The following CDC42BPB variants were observed in gnomAD, a reference collection of about 807,000 sequenced individuals.
CDC42BPB encodes serine/threonine-protein kinase MRCK beta.
CDC42BPB carries 37 observed loss-of-function variants against 214.9 expected under a neutral mutation model. The observed-to-expected ratio is 0.17, with a 90% confidence interval of 0.13 to 0.23. The LOEUF (loss-of-function observed/expected upper bound fraction) is 0.23, where lower values mean the gene tolerates loss of function less well. CDC42BPB is among the 10% of genes least tolerant of loss of function. The pLI is 1.00. For missense variants in CDC42BPB, 1,694 were observed against 2,227.0 expected, an observed-to-expected ratio of 0.76 and a Z score of 4.82; for synonymous variants, 931 against 884.0, an observed-to-expected ratio of 1.05 and a Z score of -0.94.
chr14:103,047,903 C>CAAAAAAA lies in CDC42BPB; in HGVS notation c.175+9089_175+9095dup, dbSNP rs376515642. ...GGGCAACAGAGCAAGACTCTGTGTCCAAAAAAAAAAGCATTTTCAGACAGA... is the reference window on the plus strand; with the variant it reads ...GGGCAACAGAGCAAGACTCTGTGTCCAAAAAAAAAAAAAAAAAGCATTTTCAGACAGA... On this transcript the variant is annotated intron_variant, in intron 1 of 36. Coordinates refer to ENST00000361246, the MANE Select transcript of CDC42BPB (RefSeq NM_006035.4). Among the ~76,000 whole-genome samples, 9 of 127,776 alleles carry CAAAAAAA rather than the reference C, an allele frequency of 7.0e-5. 2 individuals carry two copies. Among genetic ancestry groups the CAAAAAAA allele is most frequent in the Non-Finnish European group, 6.6e-5 (4 of 60,946 alleles). The allele number at this position is 127,776 out of a possible 152,430, so 83.8% of individuals were successfully genotyped here.
chr14:103,030,929 G>A (rs1342826766), intron 1 of CDC42BPB, among the ~76,000 whole-genome samples: 2 of 152,030 alleles, frequency 1.3e-5, no homozygotes, highest in Admixed American at 1.3e-4. Flanking sequence ...GGGAATTGCA[G>A]TGAGGCAAGA....
intron 1 of CDC42BPB, among the ~76,000 whole-genome samples, chr14:103,052,322 TTTC>T (rs1888652714): frequency 6.6e-6 from 1 of 152,254 alleles, no homozygotes; most frequent in South Asian, 2.1e-4. Context: ...AAAAGATCTA[TTTC>T]TTAAGTCTGT....
chr14:103,052,378 AG>A (rs1888656208), intron 1 of CDC42BPB, among the ~76,000 whole-genome samples: 1 of 152,236 alleles, frequency 6.6e-6, no homozygotes, highest in Non-Finnish European at 1.5e-5. Context: ...TATTCTATCC[AG>A]AGAAATCATT....
intron 8 of CDC42BPB, 42 bp from the exon 9 acceptor site, chr14:102,978,247 A>G: frequency 6.2e-7 from 1 of 1,605,430 alleles, no homozygotes; most frequent in Non-Finnish European, 8.5e-7. Flanking sequence ...TCTACATTCA[A>G]ACAAACAGGT....
chr14:102,957,698 C>A (rs1892773485), intron 21 of CDC42BPB, among the ~76,000 whole-genome samples: 1 of 152,250 alleles, frequency 6.6e-6, no homozygotes. Context: ...GTGAGCAATG[C>A]AAGCCTGCTT....
At chr14:102,986,620 C>T (rs1023212377) in intron 5 of CDC42BPB, 40 bp from the exon 6 acceptor site, 1 of 1,604,468 alleles carries the variant, frequency 6.2e-7, no homozygotes, top group African/African-American at 1.3e-5. Context: ...CATCTCCATG[C>T]AACACATTAG....
At chr14:102,998,934 A>G (rs1894862097) in intron 5 of CDC42BPB, among the ~76,000 whole-genome samples, 1 of 142,566 alleles carries the variant, frequency 7.0e-6, no homozygotes, top group Admixed American at 7.0e-5. Context: ...GGCGGTAGAG[A>G]CAGAGGACCC....
chr14:103,006,922 A>G (rs1885859815), intron 3 of CDC42BPB, among the ~76,000 whole-genome samples: 1 of 152,088 alleles, frequency 6.6e-6, no homozygotes, highest in African/African-American at 2.4e-5. Flanking sequence ...ACCTCTCTAC[A>G]CTTTCATGTA....
intron 1 of CDC42BPB, among the ~76,000 whole-genome samples, chr14:103,044,914 G>C (rs1171661877): frequency 1.3e-5 from 2 of 151,598 alleles, no homozygotes; most frequent in Non-Finnish European, 2.9e-5. Flanking sequence ...TGAAGTATAA[G>C]ATGGGTCAGG....
At position 102,976,031 on chromosome 14, in the gene CDC42BPB, G is replaced by T. The variant is rs759849679; in HGVS notation, c.1239C>A (p.Gly413=). 1.2e-6 allele frequency: 2 copies of T among 1,611,106 alleles called. No individual in the cohort carries two copies. Among genetic ancestry groups the T allele is most frequent in the South Asian group, 2.2e-5 (2 of 90,904 alleles). The part of the protein sequence containing the change: ...FTTESCFSDR[G]SLKSIMQSNT... ...TGGACTGCATTATGCTCTTCAGAGA[G>T]CCTCGATCAGAAAAACAGCTGGGAA... The change falls in exon 10 of 37, where the codon GGC becomes GGA. Residue 413 remains glycine, a synonymous_variant. Coordinates refer to ENST00000361246, the MANE Select transcript of CDC42BPB (RefSeq NM_006035.4).
At chr14:103,042,802 G>A (rs779558310) in intron 1 of CDC42BPB, among the ~76,000 whole-genome samples, 7 of 152,260 alleles carry the variant, frequency 4.6e-5, no homozygotes, top group Non-Finnish European at 7.3e-5. Context: ...GCAAGGATGC[G>A]GAGAAACTGG....
chr14:103,053,737 G>C (rs377497896), intron 1 of CDC42BPB, among the ~76,000 whole-genome samples: 13 of 151,262 alleles, frequency 8.6e-5, no homozygotes, highest in African/African-American at 3.1e-4. Flanking sequence ...ACTCCAGCCT[G>C]GGCGACAGAG....
intron 36 of CDC42BPB, among the ~76,000 whole-genome samples, chr14:102,935,272 C>G (rs1245190431): frequency 6.6e-6 from 1 of 151,756 alleles, no homozygotes; most frequent in Non-Finnish European, 1.5e-5. Context: ...GGTATAAGAT[C>G]AACACACACA....
At chr14:103,050,513 C>T (rs761381636) in intron 1 of CDC42BPB, among the ~76,000 whole-genome samples, 1 of 152,210 alleles carries the variant, frequency 6.6e-6, no homozygotes, top group Non-Finnish European at 1.5e-5. Flanking sequence ...ATAATCCCAA[C>T]ATTTGGGAGG....
rs1453623862 is a variant in CDC42BPB at position 102,974,293 on chromosome 14, C to T, written c.1508-144G>A. On this transcript the variant is annotated intron_variant, in intron 11 of 36. Coordinates refer to ENST00000361246, the MANE Select transcript of CDC42BPB (RefSeq NM_006035.4). ...AGGTTTTTTTACTTACACACACACA[C>T]ACACACACACACACACACACACACA... 17 of 1,436,100 alleles carry T rather than the reference C, an allele frequency of 1.2e-5. No individual in the cohort carries two copies. The South Asian group carries it at 1.5e-4, about 13-fold the overall frequency. The allele number at this position is 1,436,100 out of a possible 1,614,324, so 89.0% of individuals were successfully genotyped here.
chr14:103,008,242 G>A (rs772983871), intron 3 of CDC42BPB, among the ~76,000 whole-genome samples: 1 of 152,204 alleles, frequency 6.6e-6, no homozygotes, highest in Non-Finnish European at 1.5e-5. Context: ...CAACATTCTC[G>A]AGGGTGCACT....
chr14:103,026,492 A>G (rs1475903038), intron 1 of CDC42BPB, among the ~76,000 whole-genome samples: 3 of 152,192 alleles, frequency 2.0e-5, no homozygotes, highest in African/African-American at 7.2e-5. Flanking sequence ...GGTAAGTTAA[A>G]CTTCACCAAA....
chr14:102,972,842 G>C (rs1019054488), intron 12 of CDC42BPB, among the ~76,000 whole-genome samples: 6 of 150,928 alleles, frequency 4.0e-5, no homozygotes, highest in African/African-American at 1.5e-4. Flanking sequence ...GCTGAATGAA[G>C]CATTTGGGCA....
chr14:103,025,814 A>T (rs1887020680), intron 1 of CDC42BPB, among the ~76,000 whole-genome samples: 1 of 152,022 alleles, frequency 6.6e-6, no homozygotes, highest in East Asian at 1.9e-4. Context: ...CTCAAAAAAA[A>T]AAAAAAAGGA....
Sources: allele counts gnomAD v4.1 joint callset (sites outside exome capture counted in the v4.1 genomes callset), GRCh38; gene constraint gnomAD v4.1.1; transcripts MANE v1.5; gene names NCBI Gene and HGNC (gene_info 2026-07-23, HGNC 2026-07-21).